Variants in SORCS3 observed in about 807,000 individuals in gnomAD.
SORCS3 encodes the protein VPS10 domain-containing receptor SorCS3.
In SORCS3, 57 loss-of-function variants were observed where a neutral mutation model predicts 146.3. That is an observed-to-expected ratio of 0.39 (90% CI 0.31 to 0.49). The LOEUF is 0.49. SORCS3 is among the 20% of genes least tolerant of loss of function. The pLI is 0.92. For synonymous variants in SORCS3, 653 were observed against 618.5 expected, an observed-to-expected ratio of 1.06 and a Z score of -0.83; for missense variants, 1,341 against 1,575.5, an observed-to-expected ratio of 0.85 and a Z score of 2.52.
At chr10:104,756,983 C>T (rs2017060195) in intron 1 of SORCS3, among the ~76,000 whole-genome samples, 1 of 151,690 alleles carries the variant, frequency 6.6e-6, no homozygotes, top group Admixed American at 6.6e-5. Context: ...AGATCTGTGT[C>T]CATGTACAAG....
chr10:105,186,059 A>G (rs907998559), intron 14 of SORCS3, among the ~76,000 whole-genome samples: 3 of 152,182 alleles, frequency 2.0e-5, no homozygotes, highest in Admixed American at 1.3e-4. Flanking sequence ...ATTTCTAGCT[A>G]TGTGCTCTTA....
intron 15 of SORCS3, 98 bp downstream of exon 15, chr10:105,200,214 G>A: frequency 1.1e-6 from 1 of 896,140 alleles, no homozygotes. Context: ...AGGGGAGGAA[G>A]GTAGTGGGTC....
chr10:104,888,240 G>T (rs1343890484), intron 2 of SORCS3, among the ~76,000 whole-genome samples: 1 of 152,172 alleles, frequency 6.6e-6, no homozygotes, highest in Non-Finnish European at 1.5e-5. Context: ...CTGCTTCTGA[G>T]AATAAAACTG....
intron 3 of SORCS3, among the ~76,000 whole-genome samples, chr10:104,957,801 G>A (rs2019511473): frequency 6.6e-6 from 1 of 152,074 alleles, no homozygotes; most frequent in African/African-American, 2.4e-5. Flanking sequence ...ATGGGATGAT[G>A]GATCATTACA....
At chr10:105,130,810 A>C (rs1167633348) in intron 7 of SORCS3, among the ~76,000 whole-genome samples, 2 of 152,190 alleles carry the variant, frequency 1.3e-5, no homozygotes, top group African/African-American at 4.8e-5. Flanking sequence ...CAAGGACATA[A>C]AATGAGCAAA....
At chr10:105,028,611 A>G (rs1220080421) in intron 4 of SORCS3, among the ~76,000 whole-genome samples, 4 of 152,178 alleles carry the variant, frequency 2.6e-5, no homozygotes, top group Non-Finnish European at 4.4e-5. Context: ...TTCAACCCTT[A>G]GTCTGTGTAT....
chr10:104,776,180 G>A (rs2017305871), intron 1 of SORCS3, among the ~76,000 whole-genome samples: 1 of 152,170 alleles, frequency 6.6e-6, no homozygotes, highest in East Asian at 1.9e-4. Context: ...TGGAGGTGAG[G>A]AACATGTGGT....
intron 1 of SORCS3, among the ~76,000 whole-genome samples, chr10:104,649,605 C>A (rs1344963432): frequency 6.6e-6 from 1 of 152,176 alleles, no homozygotes; most frequent in Non-Finnish European, 1.5e-5. Flanking sequence ...ATTTCAACCA[C>A]CTCCCATAGT....
chr10:104,944,378 A>G (rs979501371), intron 3 of SORCS3, among the ~76,000 whole-genome samples: 2 of 152,218 alleles, frequency 1.3e-5, no homozygotes, highest in African/African-American at 4.8e-5. Flanking sequence ...GACTTAAATG[A>G]AATAAAGAAT....
At chr10:104,913,870 A>G (rs1433270276) in intron 2 of SORCS3, among the ~76,000 whole-genome samples, 1 of 149,724 alleles carries the variant, frequency 6.7e-6, no homozygotes, top group Non-Finnish European at 1.5e-5. Flanking sequence ...TCCTGGGTTC[A>G]AGCAATTCTT....
intron 1 of SORCS3, among the ~76,000 whole-genome samples, chr10:104,651,555 C>A (rs12263094): frequency 2.8e-3 from 312 of 109,958 alleles, no homozygotes; most frequent in Admixed American, 4.3e-3. Context: ...AAAAAAAAAA[C>A]ACAAAAATTA....
At chr10:104,881,322 C>G (rs1208929578) in intron 2 of SORCS3, among the ~76,000 whole-genome samples, 1 of 152,162 alleles carries the variant, frequency 6.6e-6, no homozygotes, top group Non-Finnish European at 1.5e-5. Flanking sequence ...TGCAATTGTC[C>G]TCTTTAAATC....
chr10:104,802,985 T>G (rs1007559997), intron 1 of SORCS3, among the ~76,000 whole-genome samples: 5 of 152,064 alleles, frequency 3.3e-5, no homozygotes, highest in Non-Finnish European at 5.9e-5. Flanking sequence ...GTAGTTCTGC[T>G]CCGCAAGGTC....
chr10:104,685,683 G>A (rs2016035654), intron 1 of SORCS3, among the ~76,000 whole-genome samples: 1 of 152,166 alleles, frequency 6.6e-6, no homozygotes, highest in Non-Finnish European at 1.5e-5. Context: ...TGGAAATAAG[G>A]CCCCGTTCTG....
At chr10:104,918,013 G>C (rs529742351) in intron 3 of SORCS3, among the ~76,000 whole-genome samples, 1 of 152,272 alleles carries the variant, frequency 6.6e-6, no homozygotes, top group Non-Finnish European at 1.5e-5. Context: ...CGAATTGCTT[G>C]TTCATATGGT....
chr10:105,116,726 C>T (rs760866962), intron 7 of SORCS3, among the ~76,000 whole-genome samples: 1 of 152,078 alleles, frequency 6.6e-6, no homozygotes, highest in African/African-American at 2.4e-5. Flanking sequence ...AAGATTATGT[C>T]CTTTGCAGCA....
At chr10:104,649,039 AG>A (rs1252871576) in intron 1 of SORCS3, among the ~76,000 whole-genome samples, 1 of 152,154 alleles carries the variant, frequency 6.6e-6, no homozygotes, top group African/African-American at 2.4e-5. Flanking sequence ...CTGGAAATAA[AG>A]CTATGTAGGA....
chr10:104,876,384 T>G (rs2018571756), intron 2 of SORCS3, among the ~76,000 whole-genome samples: 1 of 152,142 alleles, frequency 6.6e-6, no homozygotes, highest in Non-Finnish European at 1.5e-5. Context: ...GCAAGTTAGA[T>G]TCCAAAATAT....
intron 1 of SORCS3, among the ~76,000 whole-genome samples, chr10:104,713,162 G>A (rs965419587): frequency 2.6e-5 from 4 of 152,050 alleles, no homozygotes; most frequent in East Asian, 3.9e-4. Context: ...GTGTGGGTGC[G>A]TGCATGCATA....
Sources: allele counts gnomAD v4.1 joint callset (sites outside exome capture counted in the v4.1 genomes callset), GRCh38; gene constraint gnomAD v4.1.1; transcripts MANE v1.5; gene names NCBI Gene and HGNC (gene_info 2026-07-23, HGNC 2026-07-21).